The following SPOCK3 variants were observed in gnomAD, a reference collection of about 807,000 sequenced individuals.
SPOCK3 encodes testican-3.
SPOCK3 carries 30 observed loss-of-function variants against 56.6 expected under a neutral mutation model. That is an observed-to-expected ratio of 0.53 (90% CI 0.40 to 0.72). SPOCK3 has a LOEUF of 0.72. Among genes scored for constraint, SPOCK3 ranks in the 30% least tolerant of loss-of-function variants. The probability of loss-of-function intolerance (pLI) is 0.00; values close to 1 mark genes in which losing one functional copy is unlikely to be tolerated. For synonymous variants in SPOCK3, 196 were observed against 183.3 expected (o/e 1.07, Z -0.56); for missense variants, 527 against 530.0 (o/e 0.99, Z 0.06).
intron 7 of SPOCK3, among the ~76,000 whole-genome samples, chr4:166,775,415 G>T (rs1050991620): frequency 6.6e-6 from 1 of 152,154 alleles, no homozygotes; most frequent in African/African-American, 2.4e-5. Flanking sequence ...AGTTGAGAAA[G>T]ACAGCAGAAG....
intron 2 of SPOCK3, among the ~76,000 whole-genome samples, chr4:167,096,536 C>G (rs1238911302): frequency 6.6e-6 from 1 of 151,694 alleles, no homozygotes; most frequent in Non-Finnish European, 1.5e-5. Context: ...GAAGTGTGTT[C>G]TTTAGTCCCT....
chr4:166,952,621 G>T (rs186480116), intron 4 of SPOCK3, among the ~76,000 whole-genome samples: 9 of 152,110 alleles, frequency 5.9e-5, no homozygotes, highest in African/African-American at 1.7e-4. Context: ...AGCCCGCATC[G>T]TCAAGGCAAT....
At chr4:167,017,579 T>C (rs1750747444) in intron 3 of SPOCK3, among the ~76,000 whole-genome samples, 1 of 152,080 alleles carries the variant, frequency 6.6e-6, no homozygotes, top group Admixed American at 6.6e-5. Context: ...AGACTGACAC[T>C]ATCTTGGAAA....
chr4:166,992,995 C>G (rs1273232046), intron 4 of SPOCK3, among the ~76,000 whole-genome samples: 2 of 152,122 alleles, frequency 1.3e-5, no homozygotes, highest in African/African-American at 4.8e-5. Context: ...TGGCTAGCTG[C>G]TCTATTTGCC....
intron 2 of SPOCK3, among the ~76,000 whole-genome samples, chr4:167,186,395 G>C (rs541396704): frequency 6.6e-6 from 1 of 152,118 alleles, no homozygotes; most frequent in Non-Finnish European, 1.5e-5. Flanking sequence ...TTGGGAGGCC[G>C]AGGTGGGCAG....
At chr4:167,186,641 AAAC>A (rs998680945) in intron 2 of SPOCK3, among the ~76,000 whole-genome samples, 2 of 151,448 alleles carry the variant, frequency 1.3e-5, no homozygotes, top group African/African-American at 2.4e-5. Flanking sequence ...AACAAAAAAC[AAAC>A]AACAACAACA....
chr4:167,213,284 C>T (rs1735050747), intron 2 of SPOCK3, among the ~76,000 whole-genome samples: 1 of 152,154 alleles, frequency 6.6e-6, no homozygotes, highest in African/African-American at 2.4e-5. Flanking sequence ...TGTGCAAAAA[C>T]AGATGCAATT....
intron 2 of SPOCK3, among the ~76,000 whole-genome samples, chr4:167,164,601 C>T (rs375171713): frequency 3.3e-5 from 5 of 151,966 alleles, no homozygotes; most frequent in Admixed American, 2.6e-4. Flanking sequence ...TTCCCCCAAC[C>T]CCCACACAGG....
intron 2 of SPOCK3, among the ~76,000 whole-genome samples, chr4:167,213,770 G>GC (rs573264342): frequency 0.011 from 1,629 of 152,106 alleles, 27 homozygotes; most frequent in African/African-American, 0.031. Flanking sequence ...CCTAAAAGAT[G>GC]ACATATGGTG....
intron 5 of SPOCK3, among the ~76,000 whole-genome samples, chr4:166,894,280 A>G (rs1464394575): frequency 2.0e-5 from 3 of 152,114 alleles, no homozygotes; most frequent in African/African-American, 7.2e-5. Context: ...CCACAGGGAA[A>G]AAAAATCTTG....
chr4:166,787,267 G>A (rs1476730928), intron 7 of SPOCK3, among the ~76,000 whole-genome samples: 1 of 152,102 alleles, frequency 6.6e-6, no homozygotes, highest in Non-Finnish European at 1.5e-5. Flanking sequence ...AGGTAATATT[G>A]TACACATTAA....
chr4:166,912,756 T>C lies in SPOCK3; in HGVS notation c.351-13A>G. 1 of 1,589,510 alleles carries C rather than the reference T, an allele frequency of 6.3e-7. No homozygotes were observed. Among genetic ancestry groups the C allele is most frequent in the Non-Finnish European group, 8.5e-7 (1 of 1,172,146 alleles). On this transcript the variant is annotated splice_polypyrimidine_tract_variant and intron_variant, in intron 4 of 10. Transcript: ENST00000357545. ...TGCTTCTTTCATCCTGTTAAAAAAA[T>C]AAAGCAAGCATATTGAGCATATTTA...
chr4:167,098,190 T>C (rs555033470), intron 2 of SPOCK3, among the ~76,000 whole-genome samples: 1 of 152,056 alleles, frequency 6.6e-6, no homozygotes, highest in Non-Finnish European at 1.5e-5. Flanking sequence ...CTAAGTGTTT[T>C]TAGCCATGAT....
intron 5 of SPOCK3, 126 bp downstream of exon 5, chr4:166,912,494 T>G: frequency 1.0e-6 from 1 of 962,042 alleles, no homozygotes; most frequent in Non-Finnish European, 1.5e-6. Context: ...ACCAGTGAGA[T>G]TATTAATTTA....
intron 2 of SPOCK3, among the ~76,000 whole-genome samples, chr4:167,113,981 G>A (rs1445063629): frequency 6.6e-6 from 1 of 151,826 alleles, no homozygotes; most frequent in Non-Finnish European, 1.5e-5. Context: ...AATATGCAGA[G>A]AACAAAGTTG....
At chr4:167,181,668 T>C (rs1731466142) in intron 2 of SPOCK3, among the ~76,000 whole-genome samples, 1 of 152,172 alleles carries the variant, frequency 6.6e-6, no homozygotes, top group Admixed American at 6.5e-5. Context: ...CCCAGGATGT[T>C]TTCACTTGCT....
At chr4:166,845,863 G>A (rs1310173403) in intron 6 of SPOCK3, among the ~76,000 whole-genome samples, 1 of 152,070 alleles carries the variant, frequency 6.6e-6, no homozygotes, top group East Asian at 1.9e-4. Flanking sequence ...GCATCCTGAG[G>A]TGACTTGGTC....
chr4:166,796,470 G>C (rs1032500892), intron 6 of SPOCK3, among the ~76,000 whole-genome samples: 2 of 152,216 alleles, frequency 1.3e-5, no homozygotes, highest in African/African-American at 4.8e-5. Flanking sequence ...TTAACAAGCT[G>C]TCTCGTATCT....
At chr4:166,767,121 G>C (rs1738197130) in intron 7 of SPOCK3, among the ~76,000 whole-genome samples, 1 of 151,748 alleles carries the variant, frequency 6.6e-6, no homozygotes, top group South Asian at 2.1e-4. Context: ...CAATTTTGTT[G>C]ATCTTTTCAA....
Sources: allele counts gnomAD v4.1 joint callset (sites outside exome capture counted in the v4.1 genomes callset), GRCh38; gene constraint gnomAD v4.1.1; transcripts MANE v1.5; gene names NCBI Gene and HGNC (gene_info 2026-07-23, HGNC 2026-07-21).